ANKRD6: variants seen among roughly 807,000 people sequenced by gnomAD.
ANKRD6 encodes the protein ankyrin repeat domain 6.
Under a neutral mutation model 82.3 loss-of-function variants are expected in ANKRD6, and 56 were observed. That is an observed-to-expected ratio of 0.68 (90% CI 0.55 to 0.85). The LOEUF (loss-of-function observed/expected upper bound fraction) is 0.85, where lower values mean the gene tolerates loss of function less well. Among genes scored for constraint, ANKRD6 ranks in the 40% least tolerant of loss-of-function variants. The pLI is 0.00. For synonymous variants in ANKRD6, 347 were observed against 352.1 expected (o/e 0.99, Z 0.16); for missense variants, 852 against 907.6 (o/e 0.94, Z 0.79).
intron 1 of ANKRD6, among the ~76,000 whole-genome samples, chr6:89,516,703 C>A (rs944428135): frequency 4.6e-5 from 7 of 152,214 alleles, no homozygotes; most frequent in Admixed American, 3.9e-4. Flanking sequence ...TCTCAAACTC[C>A]TGGCCTCAAG....
intron 1 of ANKRD6, among the ~76,000 whole-genome samples, chr6:89,548,061 C>T (rs1785334946): frequency 6.6e-6 from 1 of 152,134 alleles, no homozygotes; most frequent in Admixed American, 6.5e-5. Context: ...TTTTACATAC[C>T]ATAAATTTAC....
intron 1 of ANKRD6, among the ~76,000 whole-genome samples, chr6:89,475,010 C>T (rs1291366113): frequency 5.9e-5 from 9 of 152,294 alleles, no homozygotes; most frequent in African/African-American, 2.2e-4. Flanking sequence ...CAGAGTAAAA[C>T]TTAACTTATA....
At chr6:89,506,585 G>A (rs1779892693) in intron 1 of ANKRD6, among the ~76,000 whole-genome samples, 1 of 152,168 alleles carries the variant, frequency 6.6e-6, no homozygotes. Flanking sequence ...AAAGTGCTGA[G>A]ATTACAGGCG....
intron 1 of ANKRD6, among the ~76,000 whole-genome samples, chr6:89,477,978 A>C (rs780369522): frequency 6.6e-6 from 1 of 152,160 alleles, no homozygotes; most frequent in Non-Finnish European, 1.5e-5. Context: ...GCATTGAATT[A>C]TCTCTGTCCT....
chr6:89,487,474 G>T (rs563829360), intron 1 of ANKRD6, among the ~76,000 whole-genome samples: 1 of 152,308 alleles, frequency 6.6e-6, no homozygotes, highest in East Asian at 1.9e-4. Flanking sequence ...TTTCCAGGAA[G>T]CTTGTCTCAG....
At chr6:89,586,458 G>A (rs1265384947) in intron 2 of ANKRD6, among the ~76,000 whole-genome samples, 1 of 152,168 alleles carries the variant, frequency 6.6e-6, no homozygotes, top group Non-Finnish European at 1.5e-5. Context: ...GGAGGCCGAG[G>A]CGGGCGGATC....
intron 1 of ANKRD6, among the ~76,000 whole-genome samples, chr6:89,493,496 A>G (rs1005894526): frequency 6.6e-6 from 1 of 151,488 alleles, no homozygotes; most frequent in Non-Finnish European, 1.5e-5. Context: ...TGCAGCCTTG[A>G]CCTCCTGGGC....
At chr6:89,519,613 T>A (rs377154757) in intron 1 of ANKRD6, among the ~76,000 whole-genome samples, 4 of 152,318 alleles carry the variant, frequency 2.6e-5, no homozygotes, top group African/African-American at 9.6e-5. Context: ...AAGTAGGCAG[T>A]TGGCTATTTG....
chr6:89,610,803 T>TA lies in ANKRD6; in HGVS notation c.418-1455dup, dbSNP rs56775209. On this transcript the variant is annotated intron_variant, in intron 5 of 15. Coordinates refer to ENST00000339746, the MANE Select transcript of ANKRD6 (RefSeq NM_001242809.2). ...ACGAAAAAGGAAAAAAAACAAAACTTAAAAAAAAAAAAAACCTGAAGACCA... is the reference window on the plus strand; with the variant it reads ...ACGAAAAAGGAAAAAAAACAAAACTTAAAAAAAAAAAAAAACCTGAAGACCA... Among the ~76,000 whole-genome samples, 568 of 143,666 alleles carry TA rather than the reference T, an allele frequency of 4.0e-3. 1 individual carries two copies. Among genetic ancestry groups the TA allele is most frequent in the African/African-American group, 0.01 (402 of 39,418 alleles). The allele number at this position is 143,666 out of a possible 152,430, so 94.3% of individuals were successfully genotyped here.
chr6:89,494,880 T>A (rs757913321), intron 1 of ANKRD6, among the ~76,000 whole-genome samples: 3 of 152,204 alleles, frequency 2.0e-5, no homozygotes, highest in Admixed American at 6.5e-5. Context: ...GATCAGTCAC[T>A]ATGTGGGAAG....
chr6:89,436,274 A>G (rs1423452323), intron 1 of ANKRD6, among the ~76,000 whole-genome samples: 2 of 152,224 alleles, frequency 1.3e-5, no homozygotes, highest in African/African-American at 2.4e-5. Flanking sequence ...CCTGTTTCAC[A>G]TTAATATTTC....
intron 9 of ANKRD6, 75 bp from the exon 10 acceptor site, chr6:89,621,847 C>T: frequency 7.0e-7 from 1 of 1,431,940 alleles, no homozygotes; most frequent in Non-Finnish European, 9.8e-7. Flanking sequence ...GTCAGAGCCC[C>T]AGGTCCAAGG....
intron 2 of ANKRD6, among the ~76,000 whole-genome samples, chr6:89,594,723 C>T (rs1276462442): frequency 1.3e-5 from 2 of 152,078 alleles, no homozygotes; most frequent in Non-Finnish European, 2.9e-5. Flanking sequence ...TGAAATACTT[C>T]ATAATTTCAG....
At chr6:89,613,120 T>C (rs1583775052) in intron 6 of ANKRD6, among the ~76,000 whole-genome samples, 4 of 152,314 alleles carry the variant, frequency 2.6e-5, no homozygotes, top group Admixed American at 2.0e-4. Flanking sequence ...CAGCTTTTTG[T>C]CTCCAGTTCT....
intron 1 of ANKRD6, among the ~76,000 whole-genome samples, chr6:89,461,129 G>A (rs1351153017): frequency 6.6e-6 from 1 of 152,120 alleles, no homozygotes; most frequent in Non-Finnish European, 1.5e-5. Context: ...GGCCATGCTA[G>A]TCTCTAACTC....
Position 89,477,640 on chromosome 6 carries a change from G to A in ANKRD6, c.-144+44265G>A, listed in dbSNP as rs570568376. 4.0e-3 allele frequency among the ~76,000 whole-genome samples: 607 copies of A among 151,768 alleles called. 4 individuals carry two copies. The highest frequency in any genetic ancestry group is 0.014 in the African/African-American group (576 of 41,400). ...CAAAAAATTAGCCAGGCGTGGTGGC[G>A]GGTGCCTGTAGTCCCAGCTACTCGG... On this transcript the variant is annotated intron_variant, in intron 1 of 15. Coordinates refer to ENST00000339746, the MANE Select transcript of ANKRD6 (RefSeq NM_001242809.2).
In ANKRD6 at chr6:89,630,753, C is replaced by T; in HGVS notation, c.1933C>T (p.Pro645Ser). 1 of 1,613,774 alleles carries T rather than the reference C, an allele frequency of 6.2e-7. No homozygotes were observed. Among genetic ancestry groups the T allele is most frequent in the Non-Finnish European group, 8.5e-7 (1 of 1,179,860 alleles). ...QPAASSTCGQ[P>S]PPATGSEQTG... ...CGCAGCCAGCAGCACCTGTGGGCAG[C>T]CGCCACCAGCCACAGGCAGCGAGCA... Residue 645 changes from proline (P) to serine (S), a missense_variant, in exon 16 of 16, where the codon CCG (proline) becomes TCG (serine). Coordinates refer to ENST00000339746, the MANE Select transcript of ANKRD6 (RefSeq NM_001242809.2).
intron 1 of ANKRD6, among the ~76,000 whole-genome samples, chr6:89,506,156 T>G (rs1779824864): frequency 6.6e-6 from 1 of 152,094 alleles, no homozygotes; most frequent in Non-Finnish European, 1.5e-5. Context: ...GTGACTATAG[T>G]TAGTGTATTA....
rs1800871476 is a variant in ANKRD6 at position 89,613,985 on chromosome 6, A to T, written c.615+95A>T. ...GCAAACGGGAGCAGAGGCTGCTGGG[A>T]AGCTGCCATGTCACCTACCTGGGAC... On this transcript the variant is annotated intron_variant, in intron 7 of 15. Transcript: ENST00000339746. 7.1e-6 allele frequency: 9 copies of T among 1,270,844 alleles called. No individual in the cohort carries two copies. The Admixed American group carries it at 1.8e-4, about 25-fold the overall frequency. The allele number at this position is 1,270,844 out of a possible 1,614,324, so 78.7% of individuals were successfully genotyped here. A position where few individuals can be genotyped will look rare whatever the true frequency, so the allele number is the denominator to read the frequency against.
Sources: gnomAD v4.1 joint callset for allele counts (sites outside exome capture counted in the v4.1 genomes callset) on GRCh38, gnomAD v4.1.1 for gene constraint, MANE v1.5 for transcripts, NCBI Gene and HGNC (gene_info 2026-07-23, HGNC 2026-07-21) for gene names.